ZNF250: variants seen among roughly 807,000 people sequenced by gnomAD.
The protein encoded by ZNF250 is zinc finger protein (clone 647).
In ZNF250, 13 loss-of-function variants were observed where a neutral mutation model predicts 37.1. The ratio of observed to expected loss-of-function variants is 0.35; its 90% confidence interval spans 0.23 to 0.56. The LOEUF (loss-of-function observed/expected upper bound fraction) is 0.56. Ranked by LOEUF, ZNF250 falls within the 20% of genes least tolerant of loss-of-function variation. ZNF250 has a pLI of 0.87. For missense variants in ZNF250, 474 were observed against 697.9 expected, an observed-to-expected ratio of 0.68 and a Z score of 3.61; for synonymous variants, 251 against 265.6, an observed-to-expected ratio of 0.94 and a Z score of 0.54.
chr8:144,893,764 C>A (rs932277523), intron 1 of ZNF250, among the ~76,000 whole-genome samples: 2 of 152,176 alleles, frequency 1.3e-5, no homozygotes, highest in Admixed American at 1.3e-4. Flanking sequence ...ACAGGAAGTA[C>A]ATTCAGGGCC....
chr8:144,895,635 C>T (rs1048151635), intron 1 of ZNF250, among the ~76,000 whole-genome samples: 1 of 152,028 alleles, frequency 6.6e-6, no homozygotes, highest in Non-Finnish European at 1.5e-5. Context: ...AGACTGCCAC[C>T]TGGGGTGAGT....
At chr8:144,883,118 C>T (rs760822362) in intron 5 of ZNF250, among the ~76,000 whole-genome samples, 6 of 152,194 alleles carry the variant, frequency 3.9e-5, no homozygotes, top group Non-Finnish European at 7.4e-5. Context: ...AGGGAAACAG[C>T]CCAGTGGTGC....
intron 1 of ZNF250, chr8:144,895,129 T>C (rs1465116549): frequency 6.6e-6 from 1 of 152,206 alleles, no homozygotes; most frequent in Non-Finnish European, 1.5e-5. Flanking sequence ...GACTGGCCCT[T>C]GGATAGTGGG....
At chr8:144,886,775 G>T (rs1486271671) in intron 5 of ZNF250, 65 bp downstream of exon 5, 1 of 1,479,766 alleles carries the variant, frequency 6.8e-7, no homozygotes, top group Non-Finnish European at 9.4e-7. Flanking sequence ...CTACATTCTT[G>T]TAAAACATTA....
intron 4 of ZNF250, among the ~76,000 whole-genome samples, chr8:144,888,878 C>T (rs1030885376): frequency 2.8e-4 from 43 of 152,244 alleles, no homozygotes; most frequent in African/African-American, 1.0e-3. Flanking sequence ...GCTGGGACTA[C>T]AGGCCTCAGC....
chr8:144,896,718 C>G (rs1432065973), intron 1 of ZNF250, among the ~76,000 whole-genome samples: 2 of 152,186 alleles, frequency 1.3e-5, no homozygotes, highest in Admixed American at 1.3e-4. Flanking sequence ...AGGCTAATGA[C>G]GAGTCCTCTA....
chr8:144,884,465 G>A (rs901595137), intron 5 of ZNF250, among the ~76,000 whole-genome samples: 4 of 152,088 alleles, frequency 2.6e-5, no homozygotes, highest in African/African-American at 9.6e-5. Context: ...TGTTGGCCAG[G>A]ATGGCCTCAA....
chr8:144,888,397 G>A (rs1467751757), intron 4 of ZNF250, among the ~76,000 whole-genome samples: 2 of 152,166 alleles, frequency 1.3e-5, no homozygotes, highest in Non-Finnish European at 1.5e-5. Context: ...AGGAGTTCGA[G>A]ACTAGCCTGG....
chr8:144,880,576 T>A lies in ZNF250; in HGVS notation c.*939A>T. Reference sequence around the variant, plus strand: ...AAGTTAAAAGCTCCAGATAAAGGGTTTTCTAGGCCAGGCATGGTGCCTCAC... The same window carrying A: ...AAGTTAAAAGCTCCAGATAAAGGGTATTCTAGGCCAGGCATGGTGCCTCAC... On this transcript the variant is annotated 3_prime_UTR_variant, in exon 6 of 6. Transcript: ENST00000417550. 1 of 444,616 alleles carries A rather than the reference T, an allele frequency of 2.2e-6. No individual in the cohort carries two copies. Among genetic ancestry groups the A allele is most frequent in the Non-Finnish European group, 4.6e-6 (1 of 218,588 alleles). 27.5% of individuals were successfully genotyped at this position (444,616 alleles called of 1,614,324 possible). A position where few individuals can be genotyped will look rare whatever the true frequency, so the allele number is the denominator to read the frequency against.
Position 144,882,195 on chromosome 8 carries a change from C to T in ZNF250, c.988G>A (p.Gly330Arg), listed in dbSNP as rs1393930680. ...VLRSHQRVHT[G>R]EKPHRCNECG... is the part of the protein sequence containing the mutation. ...TCATTGCACCTGTGAGGCTTCTCCC[C>T]AGTGTGTACCCTCTGGTGGCTCCGC... The change falls in exon 6 of 6, where the codon GGG becomes AGG. Residue 330 changes from glycine to arginine, a missense_variant. Physicochemically the swap from Gly to Arg is moderately radical, Grantham distance 125. Transcript: ENST00000417550. This position sits in a 1 kb window ranked among gnomAD's most constrained non-coding sequence, Gnocchi z 5.5. 4 of 1,614,156 alleles carry T rather than the reference C, an allele frequency of 2.5e-6. No individual in the cohort carries two copies. The highest frequency in any genetic ancestry group is 1.7e-5 in the Admixed American group (1 of 60,016).
rs895830401 is a variant in ZNF250, at chr8:144,880,091, A to C, written c.*1424T>G. The C allele has an allele frequency of 6.1e-6, 1 of 164,024 alleles. No individual in the cohort carries two copies. The highest frequency in any genetic ancestry group is 2.4e-5 in the African/African-American group (1 of 41,588). 10.2% of individuals were successfully genotyped at this position (164,024 alleles called of 1,614,324 possible). A position where few individuals can be genotyped will look rare whatever the true frequency, so the allele number is the denominator to read the frequency against. On this transcript the variant is annotated 3_prime_UTR_variant, in exon 6 of 6. Coordinates refer to ENST00000417550, the MANE Select transcript of ZNF250 (RefSeq NM_001109689.4). ...CAAAAAAAAAAAAAAAAGTATGCTT[A>C]AAACAGAACAAATAATTCTGAATAC...
chr8:144,890,083 G>A lies in ZNF250; in HGVS notation c.43-24C>T, dbSNP rs1399274379. 1 of 1,607,438 alleles carries A rather than the reference G, an allele frequency of 6.2e-7. No individual in the cohort carries two copies. The highest frequency in any genetic ancestry group is 1.3e-5 in the African/African-American group (1 of 74,902). ...GCCTGGAACGACAGGGGCTGCTGCAGGTAAAACCAAATCCTGATGTCTGTG... is the reference window on the plus strand; with the variant it reads ...GCCTGGAACGACAGGGGCTGCTGCAAGTAAAACCAAATCCTGATGTCTGTG... On this transcript the variant is annotated intron_variant, in intron 2 of 5. Coordinates refer to ENST00000417550, the MANE Select transcript of ZNF250 (RefSeq NM_001109689.4). The surrounding 1 kb of genome is among the most constrained non-coding windows in gnomAD (Gnocchi z 5.1).
chr8:144,881,776 T>C lies in ZNF250; in HGVS notation c.1407A>G (p.Thr469=). Residue 469 remains threonine, a synonymous_variant, in exon 6 of 6, where the codon ACA becomes ACG. Coordinates refer to ENST00000417550, the MANE Select transcript of ZNF250 (RefSeq NM_001109689.4). ...CTGTGCACTGGAAGGGCTTTTCACC[T>C]GTGTGGATTCTCTCATGCTGGATCA... is the stretch of plus-strand genomic sequence containing the variant. The part of the protein sequence containing the change: ...RSLIQHERIH[T]GEKPFQCTEC... 6.2e-7 allele frequency: 1 copy of C among 1,614,158 alleles called. No individual in the cohort carries two copies. Among genetic ancestry groups the C allele is most frequent in the Non-Finnish European group, 8.5e-7 (1 of 1,180,002 alleles).
rs767199342 is a variant in ZNF250 at position 144,886,906 on chromosome 8, G to GA, written c.284-5dup. On this transcript the variant is annotated splice_polypyrimidine_tract_variant and splice_region_variant and intron_variant, in intron 4 of 5. Transcript: ENST00000417550. ...GTGTGGTCATATTTGAGGTTGTCTG[G>GA]AAAAAAAACAGCGAGTTGAAGTGAC... 36 of 1,610,368 alleles carry GA rather than the reference G, an allele frequency of 2.2e-5. No homozygotes were observed. Among genetic ancestry groups the GA allele is most frequent in the Admixed American group, 1.0e-4 (6 of 59,788 alleles).
chr8:144,877,109 C>T lies in ZNF250; in HGVS notation c.*4406G>A, dbSNP rs756535424. 1.7e-4 allele frequency: 26 copies of T among 152,174 alleles called. No homozygotes were observed. Among genetic ancestry groups the T allele is most frequent in the African/African-American group, 5.3e-4 (22 of 41,442 alleles). The allele number at this position is 152,174 out of a possible 1,614,324, so 9.4% of individuals were successfully genotyped here. On this transcript the variant is annotated 3_prime_UTR_variant, in exon 6 of 6. Transcript: ENST00000417550. The stretch of plus-strand genomic sequence containing the variant: ...GAAACAATTTTAAAAGAAATATATA[C>T]GTATTTTTTGTGACAAGGTCTCTCT...
Position 144,881,997 on chromosome 8 carries a change from C to G in ZNF250, c.1186G>C (p.Gly396Arg). Residue 396 changes from glycine (G) to arginine (R), a missense_variant, in exon 6 of 6, where the codon GGG (glycine) becomes CGG (arginine). Gly to Arg is a moderately radical substitution (Grantham distance 125). Coordinates refer to ENST00000417550, the MANE Select transcript of ZNF250 (RefSeq NM_001109689.4). ...GTGGAGCGGTGGCTGAAGGTCTTCC[C>G]ACACTCACTGCACTCATAGGGCTTC... ...GEKPYECSECGKTFSHRSTLM... is the reference protein window; with the variant it reads ...GEKPYECSECRKTFSHRSTLM... 1.2e-6 allele frequency: 2 copies of G among 1,614,006 alleles called. No individual in the cohort carries two copies. Among genetic ancestry groups the G allele is most frequent in the South Asian group, 2.2e-5 (2 of 91,076 alleles).
chr8:144,889,364 G>C (rs1832143583), intron 4 of ZNF250, among the ~76,000 whole-genome samples: 1 of 152,218 alleles, frequency 6.6e-6, no homozygotes, highest in African/African-American at 2.4e-5. Flanking sequence ...CTGCACATCA[G>C]CTTGTTGAAA....
rs1285031389 is a variant in ZNF250 at position 144,882,274 on chromosome 8, T to A, written c.909A>T (p.Glu303Asp). The A allele has an allele frequency of 6.2e-7, 1 of 1,613,482 alleles. No homozygotes were observed. The highest frequency in any genetic ancestry group is 8.5e-7 in the Non-Finnish European group (1 of 1,179,810). ...LIQHQRIHTGERPYVCPLCGK... is the reference protein window; with the variant it reads ...LIQHQRIHTGDRPYVCPLCGK... Reference sequence around the variant, plus strand: ...CACACAACGGACACACATATGGCCTTTCTCCCGTGTGGATCCGCTGGTGCT... The same window carrying A: ...CACACAACGGACACACATATGGCCTATCTCCCGTGTGGATCCGCTGGTGCT... Residue 303 changes from glutamate (E) to aspartate (D), a missense_variant, in exon 6 of 6, where the codon GAA becomes GAT. Glu to Asp is a conservative substitution (Grantham distance 45). Transcript: ENST00000417550. The surrounding 1 kb of genome is among the most constrained non-coding windows in gnomAD (Gnocchi z 5.5).
rs765708697 is a variant in ZNF250, at chr8:144,881,520, A to G, written c.1663T>C (p.Leu555=). The change falls in exon 6 of 6, where the codon TTG becomes CTG. Residue 555 remains leucine (L), a synonymous_variant. Transcript: ENST00000417550. Reference sequence around the variant, plus strand: ...ATTCTTGTGTCAGCCATGGGTCACAACTTTCTGTGCACTTTCTGGTGCTGG... The same window carrying G: ...ATTCTTGTGTCAGCCATGGGTCACAGCTTTCTGTGCACTTTCTGGTGCTGG... ...LIQHQKVHRK[L] is the part of the protein sequence containing the mutation. 85 of 1,584,196 alleles carry G rather than the reference A, an allele frequency of 5.4e-5. 1 individual carries two copies. The highest frequency in any genetic ancestry group is 5.1e-4 in the Middle Eastern group (3 of 5,920).
Sources: allele counts gnomAD v4.1 joint callset (sites outside exome capture counted in the v4.1 genomes callset), GRCh38; gene constraint gnomAD v4.1.1; non-coding constraint Gnocchi (gnomAD v3.1); transcripts MANE v1.5; gene names NCBI Gene and HGNC (gene_info 2026-07-23, HGNC 2026-07-21).